The following STAG1 variants were observed in gnomAD, a reference collection of about 807,000 sequenced individuals.
STAG1 encodes STAG1 cohesin complex component.
Under a neutral mutation model 170.9 loss-of-function variants are expected in STAG1, and 26 were observed. The ratio of observed to expected loss-of-function variants is 0.15; its 90% CI spans 0.11 to 0.21. STAG1 has a LOEUF of 0.21. Among genes scored for constraint, STAG1 ranks in the 10% least tolerant of loss-of-function variants. The probability of loss-of-function intolerance (pLI) is 1.00; values close to 1 mark genes in which losing one functional copy is unlikely to be tolerated. For missense variants in STAG1, 964 were observed against 1,509.5 expected, an observed-to-expected ratio of 0.64 and a Z score of 5.99; for synonymous variants, 514 against 497.7, an observed-to-expected ratio of 1.03 and a Z score of -0.44.
chr3:136,398,701 G>A, intron 22 of STAG1, 48 bp downstream of exon 22: 1 of 1,144,540 alleles, frequency 8.7e-7, no homozygotes, highest in Non-Finnish European at 1.3e-6. Context: ...GTTAAGCAAG[G>A]TTATTATTTC....
intron 16 of STAG1, chr3:136,430,126 C>T (rs1425101825): frequency 1.3e-5 from 2 of 152,112 alleles, no homozygotes; most frequent in Non-Finnish European, 2.9e-5. Flanking sequence ...GCAAAGGGGC[C>T]ATGCTCATCT....
intron 9 of STAG1, among the ~76,000 whole-genome samples, chr3:136,491,243 G>A (rs2090119226): frequency 6.6e-6 from 1 of 152,016 alleles, no homozygotes; most frequent in Admixed American, 6.5e-5. Context: ...TCATCCTCCT[G>A]TGTAGCTGGG....
chr3:136,472,651 A>C lies in STAG1; in HGVS notation c.1126-159T>G, dbSNP rs185832143. Among the ~76,000 whole-genome samples the C allele has an allele frequency of 2.6e-5, 4 of 152,346 alleles. No homozygotes were observed. In the South Asian group the frequency reaches 6.2e-4, roughly 24 times the overall value. ...CAGTATTGTAGTCCTACTCACACAA[A>C]GGGGATGTTAGTATAAATGTTTGTA... On this transcript the variant is annotated intron_variant, in intron 11 of 33. Transcript: ENST00000383202.
chr3:136,546,624 C>T (rs184842475), intron 5 of STAG1, among the ~76,000 whole-genome samples: 1 of 152,266 alleles, frequency 6.6e-6, no homozygotes, highest in Non-Finnish European at 1.5e-5. Context: ...GAACTCTTCT[C>T]CTTTCTAATT....
At chr3:136,525,150 G>C (rs555406900) in intron 6 of STAG1, among the ~76,000 whole-genome samples, 6 of 152,294 alleles carry the variant, frequency 3.9e-5, no homozygotes, top group African/African-American at 4.8e-5. Flanking sequence ...CGGTTGATTG[G>C]AATAGTTTCA....
At chr3:136,527,754 T>A (rs1243592331) in intron 6 of STAG1, among the ~76,000 whole-genome samples, 1 of 152,198 alleles carries the variant, frequency 6.6e-6, no homozygotes, top group Non-Finnish European at 1.5e-5. Flanking sequence ...GACATACACA[T>A]GGGGTTTTGG....
At chr3:136,716,714 T>A (rs917404491) in intron 1 of STAG1, among the ~76,000 whole-genome samples, 1 of 152,190 alleles carries the variant, frequency 6.6e-6, no homozygotes, top group Non-Finnish European at 1.5e-5. Context: ...CAAAGTAACC[T>A]CTAACATTTC....
At chr3:136,498,264 A>ACT (rs1292768792) in intron 9 of STAG1, among the ~76,000 whole-genome samples, 1 of 96,568 alleles carries the variant, frequency 1.0e-5, no homozygotes, top group Non-Finnish European at 2.0e-5. Context: ...ACACACACAC[A>ACT]CACACACACC....
Position 136,472,594 on chromosome 3 carries a change from A to C in STAG1, c.1126-102T>G, listed in dbSNP as rs566006180. The C allele has an allele frequency of 1.4e-4, 98 of 717,010 alleles. 1 individual carries two copies. In the South Asian group the frequency reaches 2.0e-3, roughly 15 times the overall value. The allele number at this position is 717,010 out of a possible 1,614,324, so 44.4% of individuals were successfully genotyped here. ...GGGATATATATGCAATACTAATGAT[A>C]GGTTAAATAAAAAGCTTTACTCTTG... is the stretch of plus-strand genomic sequence containing the variant. On this transcript the variant is annotated intron_variant, in intron 11 of 33. Coordinates refer to ENST00000383202, the MANE Select transcript of STAG1 (RefSeq NM_005862.3).
intron 24 of STAG1, among the ~76,000 whole-genome samples, chr3:136,367,368 T>G (rs1398359874): frequency 2.6e-5 from 4 of 152,012 alleles, no homozygotes; most frequent in Non-Finnish European, 5.9e-5. Context: ...CCTCCCTATC[T>G]GTGGATGCAG....
chr3:136,402,722 G>T (rs1386216743), intron 21 of STAG1, among the ~76,000 whole-genome samples: 1 of 150,720 alleles, frequency 6.6e-6, no homozygotes, highest in Non-Finnish European at 1.5e-5. Context: ...CAGCTACTTG[G>T]AGGCTGAGAT....
intron 14 of STAG1, among the ~76,000 whole-genome samples, chr3:136,444,725 A>G (rs1422614239): frequency 1.3e-5 from 2 of 152,200 alleles, no homozygotes; most frequent in African/African-American, 4.8e-5. Context: ...TTCTCATCAT[A>G]AGTAGTGGCC....
At chr3:136,608,272 A>T (rs1939064303) in intron 3 of STAG1, among the ~76,000 whole-genome samples, 1 of 152,034 alleles carries the variant, frequency 6.6e-6, no homozygotes, top group East Asian at 1.9e-4. Context: ...AAAAAAAAAA[A>T]ACTGCACACT....
intron 1 of STAG1, among the ~76,000 whole-genome samples, chr3:136,653,570 T>G (rs1164195095): frequency 6.6e-6 from 1 of 152,176 alleles, no homozygotes; most frequent in Admixed American, 6.5e-5. Flanking sequence ...TACTAATTAA[T>G]CCTCACCAAA....
chr3:136,679,833 C>T (rs1209744507), intron 1 of STAG1, among the ~76,000 whole-genome samples: 3 of 151,324 alleles, frequency 2.0e-5, no homozygotes, highest in East Asian at 1.9e-4. Context: ...TCCTGGGAGG[C>T]GGAGGTTGCA....
chr3:136,512,374 C>T (rs1370120690), intron 7 of STAG1, among the ~76,000 whole-genome samples: 1 of 152,032 alleles, frequency 6.6e-6, no homozygotes, highest in Non-Finnish European at 1.5e-5. Flanking sequence ...GTAGTAGGTT[C>T]CATAGAAGAT....
At chr3:136,470,217 A>T (rs1162305613) in intron 12 of STAG1, among the ~76,000 whole-genome samples, 1 of 152,218 alleles carries the variant, frequency 6.6e-6, no homozygotes, top group Non-Finnish European at 1.5e-5. Flanking sequence ...AATGGGAGAA[A>T]ATTTTCACAA....
intron 4 of STAG1, among the ~76,000 whole-genome samples, chr3:136,589,628 C>CAAAAAAA (rs71626007): frequency 4.3e-5 from 2 of 46,208 alleles, no homozygotes; most frequent in African/African-American, 7.0e-5. Context: ...CAAAGGGAGC[C>CAAAAAAA]AAAAAAAAAA....
At chr3:136,441,769 G>A (rs930780638) in intron 15 of STAG1, among the ~76,000 whole-genome samples, 18 of 152,064 alleles carry the variant, frequency 1.2e-4, no homozygotes, top group Non-Finnish European at 2.9e-5. Flanking sequence ...CAATAGAACA[G>A]TATCTTGCTT....
Sources: gnomAD v4.1 joint callset for allele counts (sites outside exome capture counted in the v4.1 genomes callset) on GRCh38, gnomAD v4.1.1 for gene constraint, MANE v1.5 for transcripts, NCBI Gene and HGNC (gene_info 2026-07-23, HGNC 2026-07-21) for gene names.